Variants in PTPRH observed in about 807,000 individuals in gnomAD.
The protein encoded by PTPRH is receptor-type tyrosine-protein phosphatase H.
Under a neutral mutation model 130.2 loss-of-function variants are expected in PTPRH, and 113 were observed. The observed-to-expected ratio is 0.87, with a 90% CI of 0.75 to 1.01. The LOEUF is 1.01. PTPRH is among the 50% of genes least tolerant of loss of function. The probability of loss-of-function intolerance (pLI) is 0.00; values close to 1 mark genes in which losing one functional copy is unlikely to be tolerated. For synonymous variants in PTPRH, 556 were observed against 577.9 expected (o/e 0.96, Z 0.54); for missense variants, 1,430 against 1,425.0 (o/e 1.00, Z -0.06).
chr19:55,199,253 G>A (rs2086781916), intron 7 of PTPRH, among the ~76,000 whole-genome samples: 1 of 152,196 alleles, frequency 6.6e-6, no homozygotes, highest in Admixed American at 6.5e-5. Flanking sequence ...TCTGCAGTGA[G>A]CTATGATTGT....
intron 19 of PTPRH, 55 bp from the exon 20 acceptor site, chr19:55,181,958 G>A: frequency 6.2e-7 from 1 of 1,613,626 alleles, no homozygotes; most frequent in Non-Finnish European, 8.5e-7. Context: ...GCTGCGTGGA[G>A]CCCCAGGGTC....
chr19:55,206,449 G>A (rs908732332), intron 3 of PTPRH, among the ~76,000 whole-genome samples: 6 of 151,260 alleles, frequency 4.0e-5, no homozygotes, highest in African/African-American at 1.5e-4. Context: ...TCAGCCTCCC[G>A]AGTAGATGGG....
chr19:55,196,870 A>G, intron 9 of PTPRH, 82 bp from the exon 10 acceptor site: 2 of 1,515,886 alleles, frequency 1.3e-6, no homozygotes, highest in Non-Finnish European at 1.8e-6. Context: ...GTTTTCTGAG[A>G]CGAGCCCATC....
At chr19:55,207,394 G>A (rs1006167570) in intron 1 of PTPRH, 195 bp from the exon 2 acceptor site, 2 of 598,712 alleles carry the variant, frequency 3.3e-6, no homozygotes, top group Non-Finnish European at 3.0e-6. Context: ...GAGCATGGCA[G>A]GAGCAGAGCT....
In PTPRH at chr19:55,206,936, G is replaced by C; in HGVS notation, c.105C>G (p.Asn35Lys). ...TGGTGGTCTGAGTCTCCACTGTCAG[G>C]TTCCTCCCTGGGTTGGGGGCTGAGA... ...ARAPAPNPGR[N>K]LTVETQTTSS... The change falls in exon 3 of 20, where the codon AAC becomes AAG. Residue 35 changes from asparagine (N) to lysine (K), a missense_variant. Transcript: ENST00000376350. 1 of 1,602,696 alleles carries C rather than the reference G, an allele frequency of 6.2e-7. No homozygotes were observed. The highest frequency in any genetic ancestry group is 2.2e-5 in the East Asian group (1 of 44,718).
At chr19:55,203,295 C>T (rs2086930010) in intron 5 of PTPRH, among the ~76,000 whole-genome samples, 1 of 142,464 alleles carries the variant, frequency 7.0e-6, no homozygotes, top group Admixed American at 7.4e-5. Flanking sequence ...CCACTGCACT[C>T]CAGCCTGGGC....
chr19:55,209,485 TGC>T lies in PTPRH; in HGVS notation c.-54_-53del, dbSNP rs767806430. ...GAGTCCCAGGCCTAGTCCTTCCACCTGCTGGACTTTACACTCAAGAATTTCCC... is the reference window on the plus strand; with the variant it reads ...GAGTCCCAGGCCTAGTCCTTCCACCTTGGACTTTACACTCAAGAATTTCCC... On this transcript the variant is annotated 5_prime_UTR_variant, in exon 1 of 20. Transcript: ENST00000376350. The surrounding 1 kb of genome is among the most constrained non-coding windows in gnomAD (Gnocchi z 4.1). 24 of 1,269,292 alleles carry T rather than the reference TGC, an allele frequency of 1.9e-5. No individual in the cohort carries two copies. Among genetic ancestry groups the T allele is most frequent in the Non-Finnish European group, 2.1e-5 (19 of 895,110 alleles). 78.6% of individuals were successfully genotyped at this position (1,269,292 alleles called of 1,614,324 possible).
chr19:55,207,016 C>A (rs1190657432), intron 2 of PTPRH, 61 bp from the exon 3 acceptor site: 2 of 1,551,320 alleles, frequency 1.3e-6, no homozygotes, highest in Non-Finnish European at 1.7e-6. Context: ...TCCCTCCCAA[C>A]CCCTGAGCTC....
rs372625920 is a variant in PTPRH at position 55,203,896 on chromosome 19, T to C, written c.772A>G (p.Thr258Ala). 15 of 1,614,188 alleles carry C rather than the reference T, an allele frequency of 9.3e-6. No homozygotes were observed. In the African/African-American group the frequency reaches 1.1e-4, roughly 11 times the overall value. ...CCATCCACGGTGACTCTGGTGTCTG[T>C]TGTGTTTCGAGTCTCTGTTCTGCCA... ...DGGRTETRNT[T>A]DTRVTVDGLG... Residue 258 changes from threonine (T) to alanine (A), a missense_variant, in exon 5 of 20, where the codon ACA becomes GCA. By Grantham distance (58) the Thr-to-Ala change is moderately conservative (BLOSUM62 0). Coordinates refer to ENST00000376350, the MANE Select transcript of PTPRH (RefSeq NM_002842.5).
Position 55,194,420 on chromosome 19 carries a change from TC to T in PTPRH, c.2257+2101del, listed in dbSNP as rs533351091. 3,177 of 1,029,124 alleles carry T rather than the reference TC, an allele frequency of 3.1e-3. 5 individuals carry two copies. The highest frequency in any genetic ancestry group is 4.4e-3 in the Admixed American group (116 of 26,116). 63.7% of individuals were successfully genotyped at this position (1,029,124 alleles called of 1,614,324 possible). The stretch of plus-strand genomic sequence containing the variant: ...ACTAGAGGACCTGTTCTCTCAGGGA[TC>T]CTTGTTACTAAGGGAGAGAACTTTC... On this transcript the variant is annotated intron_variant, in intron 10 of 19. Transcript: ENST00000376350.
In PTPRH at chr19:55,188,137, CG is replaced by C. The variant is rs778302839; in HGVS notation, c.2415del (p.Phe805LeufsTer59). 21 of 1,613,934 alleles carry C rather than the reference CG, an allele frequency of 1.3e-5. No homozygotes were observed. In the Admixed American group the frequency reaches 3.2e-4, roughly 24 times the overall value. ...SSPGDIPAED[F>X]ADHVRKNERD... ...CTCTCATTCTTCCTGACGTGGTCAGCGAAGTCTTCAGCTGGGATGTCCCCTG... is the reference window on the plus strand; with the variant it reads ...CTCTCATTCTTCCTGACGTGGTCAGCAAGTCTTCAGCTGGGATGTCCCCTG... On this transcript the variant is annotated frameshift_variant, in exon 13 of 20. Transcript: ENST00000376350.
At chr19:55,197,446 G>A (rs1005106039) in intron 8 of PTPRH, 30 bp from the exon 9 acceptor site, 46 of 1,589,796 alleles carry the variant, frequency 2.9e-5, no homozygotes, top group Non-Finnish European at 3.7e-5. Context: ...GCCTAAGGGG[G>A]TATCCTCGAA....
intron 7 of PTPRH, among the ~76,000 whole-genome samples, chr19:55,199,477 T>C (rs1036613992): frequency 3.9e-5 from 6 of 152,038 alleles, no homozygotes; most frequent in Non-Finnish European, 7.4e-5. Flanking sequence ...TGGTGGTGCG[T>C]GCCTGTTGTC....
chr19:55,190,397 A>T lies in PTPRH; in HGVS notation c.2384+1104T>A, dbSNP rs530412724. Among the ~76,000 whole-genome samples the T allele has an allele frequency of 8.0e-3, 1,187 of 147,896 alleles. 6 individuals are homozygous for T. The highest frequency in any genetic ancestry group is 0.012 in the Non-Finnish European group (840 of 67,316). ...AAAAAAAAAAAAAGAATATCACAAT[A>T]TTCCTCTACCCTTCCTATCCCCTCC... is the stretch of plus-strand genomic sequence containing the variant. On this transcript the variant is annotated intron_variant, in intron 12 of 19. Coordinates refer to ENST00000376350, the MANE Select transcript of PTPRH (RefSeq NM_002842.5).
intron 16 of PTPRH, 48 bp downstream of exon 16, chr19:55,186,177 G>A (rs770296351): frequency 1.2e-5 from 19 of 1,582,242 alleles, no homozygotes; most frequent in Admixed American, 5.2e-5. Flanking sequence ...ATGAGTGTTC[G>A]GGGCGGGGTC....
Position 55,187,344 on chromosome 19 carries a change from CAAAAAA to C in PTPRH, c.2566+163_2566+168del, listed in dbSNP as rs58124409. 9.0e-3 allele frequency among the ~76,000 whole-genome samples: 409 copies of C among 45,308 alleles called. 3 individuals carry two copies. The highest frequency in any genetic ancestry group is 0.032 in the African/African-American group (373 of 11,668). 29.7% of individuals were successfully genotyped at this position (45,308 alleles called of 152,430 possible). Reference sequence around the variant, plus strand: ...TGGGTGACAGAGCGAGACTCCGTCTCAAAAAAAAAAAAAAAAGAAAAAAAGAAAAAA... The same window carrying C: ...TGGGTGACAGAGCGAGACTCCGTCTCAAAAAAAAAAGAAAAAAAGAAAAAA... On this transcript the variant is annotated intron_variant, in intron 14 of 19. Transcript: ENST00000376350.
rs1600044093 is a variant in PTPRH at position 55,197,296 on chromosome 19, C to T, written c.1811G>A (p.Ser604Asn). 17 of 1,614,252 alleles carry T rather than the reference C, an allele frequency of 1.1e-5. No homozygotes were observed. Among genetic ancestry groups the T allele is most frequent in the Non-Finnish European group, 1.4e-5 (17 of 1,180,034 alleles). ...TTGCCCCCTCCGGGGATGTCCCTTG[C>T]TGGCCCACTGGACCCAGTATACGTA... is the stretch of plus-strand genomic sequence containing the variant. ...QLYVYWVQWA[S>N]KGHPRRGQDP... Residue 604 changes from serine to asparagine, a missense_variant, in exon 9 of 20, where the codon AGC becomes AAC. By Grantham distance (46) the Ser-to-Asn change is conservative. Coordinates refer to ENST00000376350, the MANE Select transcript of PTPRH (RefSeq NM_002842.5).
chr19:55,185,633 G>T lies in PTPRH; in HGVS notation c.2931C>A (p.Arg977=). 6.2e-7 allele frequency: 1 copy of T among 1,614,190 alleles called. No homozygotes were observed. Among genetic ancestry groups the T allele is most frequent in the African/African-American group, 1.3e-5 (1 of 75,070 alleles). The part of the protein sequence containing the change: ...QVEEQKTLSV[R]QFHYQAWPDH... ...CCGGCCAGGCCTGGTAGTGGAATTG[G>T]CGCACAGACAGTGTCTTCTGCTCCT... The change falls in exon 18 of 20, where the codon CGC becomes CGA. Residue 977 remains arginine (R), a synonymous_variant. Transcript: ENST00000376350.
intron 10 of PTPRH, among the ~76,000 whole-genome samples, chr19:55,194,768 C>A (rs902649228): frequency 1.3e-5 from 2 of 152,112 alleles, no homozygotes; most frequent in Admixed American, 6.6e-5. Context: ...TGGGTATAGA[C>A]CCAAGAGAAA....
Sources: gnomAD v4.1 joint callset for allele counts (sites outside exome capture counted in the v4.1 genomes callset) on GRCh38, gnomAD v4.1.1 for gene constraint, Gnocchi (gnomAD v3.1) non-coding constraint, MANE v1.5 for transcripts, NCBI Gene and HGNC (gene_info 2026-07-23, HGNC 2026-07-21) for gene names.